Variants in DPY30 observed in about 807,000 individuals in gnomAD.
DPY30 encodes protein dpy-30 homolog.
A neutral mutation model predicts 16.2 loss-of-function variants in DPY30; 6 were observed. That is an observed-to-expected ratio of 0.37 (90% CI 0.20 to 0.73). The LOEUF (loss-of-function observed/expected upper bound fraction) is 0.73. Ranked by LOEUF, DPY30 falls within the 30% of genes least tolerant of loss-of-function variation. The pLI, the probability that DPY30 is intolerant of heterozygous loss-of-function variation, is 0.51. For missense variants in DPY30, 73 were observed against 113.1 expected, an observed-to-expected ratio of 0.65 and a Z score of 1.61; for synonymous variants, 39 against 38.8, an observed-to-expected ratio of 1.00 and a Z score of -0.02.
chr2:32,027,208 G>C lies in DPY30; in HGVS notation c.227+2386C>G, dbSNP rs1168184930. Among the ~76,000 whole-genome samples, 11 of 148,264 alleles carry C rather than the reference G, an allele frequency of 7.4e-5. No individual in the cohort carries two copies. The East Asian group carries it at 2.2e-3, about 30-fold the overall frequency. Reference sequence around the variant, plus strand: ...GGAAAATCATTTGAACTGGGAGTCAGAGACTGCAGTGACCTGAGACTGTGC... The same window carrying C: ...GGAAAATCATTTGAACTGGGAGTCACAGACTGCAGTGACCTGAGACTGTGC... On this transcript the variant is annotated intron_variant, in intron 4 of 4. Transcript: ENST00000342166.
chr2:32,028,965 A>G (rs894477287), intron 4 of DPY30, among the ~76,000 whole-genome samples: 1 of 151,764 alleles, frequency 6.6e-6, no homozygotes, highest in Non-Finnish European at 1.5e-5. Flanking sequence ...CTCTGTCTCA[A>G]AAAAAAATAA....
chr2:32,026,991 A>T (rs1321976814), intron 4 of DPY30, among the ~76,000 whole-genome samples: 2 of 151,070 alleles, frequency 1.3e-5, no homozygotes, highest in Non-Finnish European at 1.5e-5. Flanking sequence ...ATAGGGGAAT[A>T]AGGGCCAGGC....
chr2:32,030,629 C>CAAAAAA (rs35489420), intron 3 of DPY30, among the ~76,000 whole-genome samples: 2 of 72,320 alleles, frequency 2.8e-5, no homozygotes, highest in Non-Finnish European at 6.1e-5. Context: ...GACTCAGTCT[C>CAAAAAA]AAAAAAAAAA....
chr2:32,028,137 G>A (rs546281165), intron 4 of DPY30, among the ~76,000 whole-genome samples: 13 of 146,734 alleles, frequency 8.9e-5, no homozygotes, highest in Admixed American at 8.8e-4. Context: ...TTGAGGCAGG[G>A]TCTCACTCTG....
downstream of DPY30, among the ~76,000 whole-genome samples, chr2:32,021,947 C>A (rs1336544987): frequency 6.6e-6 from 1 of 152,060 alleles, no homozygotes; most frequent in Non-Finnish European, 1.5e-5. Context: ...TGGTGGCTCA[C>A]ACCCATAATC....
chr2:32,030,520 C>T (rs1029504054), intron 3 of DPY30, among the ~76,000 whole-genome samples: 2 of 151,908 alleles, frequency 1.3e-5, no homozygotes, highest in African/African-American at 2.4e-5. Context: ...GTCCCACTTA[C>T]TCGGGAGGCT....
rs1675274941 is a variant in DPY30, at chr2:32,024,917, C to G, written c.228-661G>C. On this transcript the variant is annotated intron_variant, in intron 4 of 4. Transcript: ENST00000342166. ...AAGATAAACACATTTATAAAACTAA[C>G]AGCAGATATTTGATATTAACACTTC... 3.3e-5 allele frequency among the ~76,000 whole-genome samples: 5 copies of G among 152,248 alleles called. No individual in the cohort carries two copies. In the South Asian group the frequency reaches 1.0e-3, roughly 32 times the overall value.
At chr2:32,031,313 G>A (rs1573000730) in intron 3 of DPY30, among the ~76,000 whole-genome samples, 2 of 151,864 alleles carry the variant, frequency 1.3e-5, no homozygotes, top group African/African-American at 4.8e-5. Flanking sequence ...CCAGCTACTC[G>A]GGAGGCTGAG....
downstream of DPY30, among the ~76,000 whole-genome samples, chr2:32,021,648 C>T (rs1675183752): frequency 6.7e-6 from 1 of 150,158 alleles, no homozygotes; most frequent in Non-Finnish European, 1.5e-5. Context: ...CACTGCACTC[C>T]AGCCTGGGCA....
At chr2:32,033,263 G>A (rs553279312) in intron 3 of DPY30, among the ~76,000 whole-genome samples, 5 of 151,872 alleles carry the variant, frequency 3.3e-5, no homozygotes, top group South Asian at 2.1e-4. Flanking sequence ...AGCCGAGATC[G>A]CACCGTTGCA....
At chr2:32,014,783 G>A (rs138167841) in intron 5 of DPY30, among the ~76,000 whole-genome samples, 65 of 151,048 alleles carry the variant, frequency 4.3e-4, no homozygotes, top group African/African-American at 1.4e-3. Flanking sequence ...ACGCCTGGCC[G>A]AGACCCCATC....
chr2:32,025,606 C>CA (rs1167130143), intron 4 of DPY30, among the ~76,000 whole-genome samples: 1 of 151,002 alleles, frequency 6.6e-6, no homozygotes, highest in Non-Finnish European at 1.5e-5. Context: ...ACTAAAAATA[C>CA]AAAAAATTAG....
chr2:32,017,075 G>C (rs1572986359), intron 5 of DPY30, among the ~76,000 whole-genome samples: 2 of 151,856 alleles, frequency 1.3e-5, no homozygotes, highest in East Asian at 3.9e-4. Flanking sequence ...TAGAGACAGG[G>C]TTTCACCATG....
intron 5 of DPY30, chr2:32,013,318 A>C (rs990605515): frequency 1.3e-5 from 2 of 152,170 alleles, no homozygotes; most frequent in African/African-American, 4.8e-5. Flanking sequence ...CTCTACTGAA[A>C]TTTTCTTGCT....
At chr2:32,017,527 G>A (rs1216762173) in intron 5 of DPY30, among the ~76,000 whole-genome samples, 3 of 151,184 alleles carry the variant, frequency 2.0e-5, no homozygotes, top group Non-Finnish European at 4.4e-5. Context: ...TGAGGCAGAA[G>A]AAGCTTCTAC....
intron 3 of DPY30, among the ~76,000 whole-genome samples, chr2:32,032,677 T>C (rs866051639): frequency 2.6e-4 from 39 of 152,250 alleles, no homozygotes; most frequent in African/African-American, 7.5e-4. Context: ...TTGAGCAACA[T>C]AGTGAGACCC....
chr2:32,020,576 T>G (rs149679103), downstream of DPY30, among the ~76,000 whole-genome samples: 632 of 152,194 alleles, frequency 4.2e-3, 9 homozygotes, highest in African/African-American at 0.015. Context: ...GAGGAATATG[T>G]TTATGGCCTT....
Position 32,039,494 on chromosome 2 carries a change from T to G in DPY30, c.-36-2A>C. On this transcript the variant is annotated splice_acceptor_variant, in intron 1 of 4. Coordinates refer to ENST00000342166, the MANE Select transcript of DPY30 (RefSeq NM_001321209.2). LOFTEE classifies it low-confidence loss of function (5UTR_SPLICE). ...AAGTCACAGTCCCCGGATACCAGTC[T>G]TGGAAAACAAGAAGAGCCGCGAGTT... 6.2e-7 allele frequency: 1 copy of G among 1,613,910 alleles called. No individual in the cohort carries two copies. The highest frequency in any genetic ancestry group is 1.1e-5 in the South Asian group (1 of 91,078).
rs573877637 is a variant in DPY30, at chr2:32,015,806, G to A, written n.378-3754C>T. Among the ~76,000 whole-genome samples the A allele has an allele frequency of 4.6e-4, 68 of 148,326 alleles. No individual in the cohort carries two copies. The East Asian group carries it at 0.013, about 29-fold the overall frequency. ...GGAGTTCAAAGCTGCAGTGACCTAT[G>A]ATTGTGCCACTGCAGTCAAGGCTGA... is the stretch of plus-strand genomic sequence containing the variant. On this transcript the variant is annotated intron_variant and non_coding_transcript_variant, in intron 5 of 5. Coordinates refer to the DPY30 transcript ENST00000414013.
Sources: gnomAD v4.1 joint callset for allele counts (sites outside exome capture counted in the v4.1 genomes callset) on GRCh38, gnomAD v4.1.1 for gene constraint, MANE v1.5 for transcripts, NCBI Gene and HGNC (gene_info 2026-07-23, HGNC 2026-07-21) for gene names.